ERBB4: variants seen among roughly 807,000 people sequenced by gnomAD.
ERBB4 encodes erb-b2 receptor tyrosine kinase 4, also known as receptor tyrosine-protein kinase erbB-4.
ERBB4 carries 42 observed loss-of-function variants against 158.0 expected under a neutral mutation model. The observed-to-expected ratio is 0.27, with a 90% confidence interval of 0.21 to 0.34. The LOEUF is 0.34. ERBB4 is among the 10% of genes least tolerant of loss of function. ERBB4 has a pLI of 1.00. For missense variants in ERBB4, 1,333 were observed against 1,624.1 expected, an observed-to-expected ratio of 0.82 and a Z score of 3.08; for synonymous variants, 583 against 558.7, an observed-to-expected ratio of 1.04 and a Z score of -0.61.
intron 20 of ERBB4, among the ~76,000 whole-genome samples, chr2:211,509,614 A>G (rs901979641): frequency 6.6e-6 from 1 of 152,114 alleles, no homozygotes; most frequent in Non-Finnish European, 1.5e-5. Flanking sequence ...CAATTAAACT[A>G]GAGACCTTCT....
At chr2:211,983,525 T>C (rs2081859998) in intron 2 of ERBB4, among the ~76,000 whole-genome samples, 1 of 152,180 alleles carries the variant, frequency 6.6e-6, no homozygotes, top group Non-Finnish European at 1.5e-5. Flanking sequence ...ATTTGTAAAG[T>C]ACTCCCATGA....
chr2:212,384,610 T>A (rs80317640), intron 1 of ERBB4, among the ~76,000 whole-genome samples: 2,287 of 151,774 alleles, frequency 0.015, 50 homozygotes, highest in African/African-American at 0.052. Context: ...AGCTACATTT[T>A]AGTTTTATAA....
chr2:212,194,887 G>A (rs1312671780), intron 1 of ERBB4, among the ~76,000 whole-genome samples: 2 of 151,766 alleles, frequency 1.3e-5, no homozygotes, highest in African/African-American at 2.4e-5. Context: ...CCTCAGAAAG[G>A]CTCTAAATTC....
intron 3 of ERBB4, among the ~76,000 whole-genome samples, chr2:211,895,997 G>C (rs2079088180): frequency 6.6e-6 from 1 of 151,948 alleles, no homozygotes; most frequent in African/African-American, 2.4e-5. Context: ...GTCTCCCTTA[G>C]TGTTCCCACC....
At chr2:211,687,615 T>C (rs1284257368) in intron 12 of ERBB4, among the ~76,000 whole-genome samples, 1 of 152,224 alleles carries the variant, frequency 6.6e-6, no homozygotes, top group Non-Finnish European at 1.5e-5. Flanking sequence ...AAAAGGTTTC[T>C]GTCTTGTCTA....
At chr2:211,437,696 A>G (rs979395907) in intron 20 of ERBB4, among the ~76,000 whole-genome samples, 1 of 152,180 alleles carries the variant, frequency 6.6e-6, no homozygotes, top group Non-Finnish European at 1.5e-5. Flanking sequence ...AGCTGCAGTC[A>G]GCTCTCACAG....
chr2:211,600,512 G>A (rs890270347), intron 19 of ERBB4, among the ~76,000 whole-genome samples: 1 of 152,122 alleles, frequency 6.6e-6, no homozygotes, highest in African/African-American at 2.4e-5. Context: ...AAGAAATTTA[G>A]TAGCGCAGAT....
chr2:212,188,058 G>A (rs2082067508), intron 1 of ERBB4, among the ~76,000 whole-genome samples: 1 of 151,986 alleles, frequency 6.6e-6, no homozygotes, highest in East Asian at 1.9e-4. Flanking sequence ...TTCTTCTCCT[G>A]ACAGCTCTAG....
At chr2:212,227,584 C>T (rs192764855) in intron 1 of ERBB4, among the ~76,000 whole-genome samples, 408 of 152,130 alleles carry the variant, frequency 2.7e-3, no homozygotes, top group Non-Finnish European at 4.2e-3. Flanking sequence ...TTTCTTACTC[C>T]TTTTTTCTCC....
At chr2:211,609,355 A>G (rs2069104601) in intron 19 of ERBB4, among the ~76,000 whole-genome samples, 1 of 152,154 alleles carries the variant, frequency 6.6e-6, no homozygotes, top group East Asian at 1.9e-4. Flanking sequence ...GCATGCTCAG[A>G]GAAATCAACA....
chr2:212,459,225 G>A (rs968702843), intron 1 of ERBB4, among the ~76,000 whole-genome samples: 2 of 151,796 alleles, frequency 1.3e-5, no homozygotes, highest in Non-Finnish European at 2.9e-5. Flanking sequence ...AGTATTAGAT[G>A]TACACAGAAT....
intron 25 of ERBB4, among the ~76,000 whole-genome samples, chr2:211,419,127 T>G (rs1268549971): frequency 6.6e-6 from 1 of 151,944 alleles, no homozygotes; most frequent in Non-Finnish European, 1.5e-5. Flanking sequence ...ATAACATGCT[T>G]CAGTAACTTT....
intron 1 of ERBB4, among the ~76,000 whole-genome samples, chr2:212,486,117 T>C (rs1362609162): frequency 6.6e-6 from 1 of 151,384 alleles, no homozygotes; most frequent in Non-Finnish European, 1.5e-5. Flanking sequence ...TTTATGGGGA[T>C]GGTGGAAAAA....
chr2:212,112,733 T>A lies in ERBB4; in HGVS notation c.234+12019A>T, dbSNP rs528500396. On this transcript the variant is annotated intron_variant, in intron 2 of 27. Transcript: ENST00000342788. ...AAGGAGTGGGAGATGGTGTTAGGCA[T>A]AAAACCAGCACAGTGCCCTGAACCT... Among the ~76,000 whole-genome samples the A allele has an allele frequency of 2.1e-3, 319 of 152,318 alleles. 1 individual carries two copies. The highest frequency in any genetic ancestry group is 7.5e-3 in the African/African-American group (311 of 41,578).
At chr2:211,633,882 G>A (rs780750921) in intron 16 of ERBB4, among the ~76,000 whole-genome samples, 9 of 152,242 alleles carry the variant, frequency 5.9e-5, no homozygotes, top group South Asian at 2.1e-4. Context: ...ACTTGAGGCC[G>A]GGCCAGTGGC....
chr2:212,414,033 G>A (rs1320723886), intron 1 of ERBB4, among the ~76,000 whole-genome samples: 1 of 152,170 alleles, frequency 6.6e-6, no homozygotes, highest in African/African-American at 2.4e-5. Flanking sequence ...TGAGTTGACA[G>A]TAAATTGCCC....
At chr2:212,107,681 T>A (rs4423551) in intron 2 of ERBB4, among the ~76,000 whole-genome samples, 66,951 of 151,938 alleles carry the variant, frequency 0.44, 16,359 homozygotes, top group Non-Finnish European at 0.56. Context: ...CCCACCCAAA[T>A]CTCATCTTGA....
intron 3 of ERBB4, 129 bp from the exon 4 acceptor site, chr2:211,788,288 A>C (rs1372824154): frequency 1.5e-6 from 1 of 675,410 alleles, no homozygotes; most frequent in Non-Finnish European, 2.6e-6. Flanking sequence ...TAGCCAAGAT[A>C]TCTTTTAAAA....
intron 20 of ERBB4, among the ~76,000 whole-genome samples, chr2:211,473,859 C>A (rs894515974): frequency 1.6e-4 from 24 of 151,904 alleles, no homozygotes; most frequent in African/African-American, 5.3e-4. Flanking sequence ...TATATAAATA[C>A]CAAATTGAAT....
Sources: gnomAD v4.1 joint callset for allele counts (sites outside exome capture counted in the v4.1 genomes callset) on GRCh38, gnomAD v4.1.1 for gene constraint, MANE v1.5 for transcripts, NCBI Gene and HGNC (gene_info 2026-07-23, HGNC 2026-07-21) for gene names.